TTC28: variants seen among roughly 807,000 people sequenced by gnomAD.
The protein encoded by TTC28 is tetratricopeptide repeat protein 28.
In TTC28, 61 loss-of-function variants were observed where a neutral mutation model predicts 198.0. The observed-to-expected ratio is 0.31, with a 90% CI of 0.25 to 0.38. TTC28 has a LOEUF of 0.38. Ranked by LOEUF, TTC28 falls within the 10% of genes least tolerant of loss-of-function variation. The probability of loss-of-function intolerance (pLI) is 1.00; values close to 1 mark genes in which losing one functional copy is unlikely to be tolerated. For synonymous variants in TTC28, 1,171 were observed against 1,297.8 expected, an observed-to-expected ratio of 0.90 and a Z score of 2.10; for missense variants, 2,678 against 3,164.0, an observed-to-expected ratio of 0.85 and a Z score of 3.69.
At chr22:28,432,575 A>G (rs903940146) in intron 2 of TTC28, among the ~76,000 whole-genome samples, 1 of 152,168 alleles carries the variant, frequency 6.6e-6, no homozygotes, top group Non-Finnish European at 1.5e-5. Flanking sequence ...TGTTTCATGA[A>G]TACTATGAAT....
intron 2 of TTC28, among the ~76,000 whole-genome samples, chr22:28,432,279 C>CT (rs1225311001): frequency 2.0e-5 from 3 of 151,176 alleles, no homozygotes; most frequent in African/African-American, 7.3e-5. Flanking sequence ...GAGCGAGACT[C>CT]TGTCTCAAAA....
In TTC28 at chr22:27,981,926, T is replaced by TATCA; in HGVS notation, c.*291_*294dup. The TATCA allele has an allele frequency of 3.0e-6, 1 of 331,256 alleles. No homozygotes were observed. The highest frequency in any genetic ancestry group is 4.9e-5 in the East Asian group (1 of 20,500). 20.5% of individuals were successfully genotyped at this position (331,256 alleles called of 1,614,324 possible). ...TGTACAAAATCCTGGTGAAGAATCA[T>TATCA]ATCAAAGATGAGAAGCAGGGAGTTC... On this transcript the variant is annotated 3_prime_UTR_variant, in exon 23 of 23. Coordinates refer to ENST00000397906, the MANE Select transcript of TTC28 (RefSeq NM_001145418.2).
At chr22:28,639,925 G>A (rs148929389) in intron 1 of TTC28, among the ~76,000 whole-genome samples, 5 of 152,172 alleles carry the variant, frequency 3.3e-5, no homozygotes, top group East Asian at 1.9e-4. Context: ...TATAATACAC[G>A]AAATTAAGAA....
chr22:28,576,611 T>C (rs2050154517), intron 2 of TTC28, among the ~76,000 whole-genome samples: 2 of 152,162 alleles, frequency 1.3e-5, no homozygotes, highest in South Asian at 4.1e-4. Context: ...AGCCATCAGA[T>C]CCTGGGGTTT....
chr22:28,009,143 A>T (rs1397657678), intron 14 of TTC28, among the ~76,000 whole-genome samples: 1 of 152,194 alleles, frequency 6.6e-6, no homozygotes, highest in Non-Finnish European at 1.5e-5. Flanking sequence ...AGATAAGCGG[A>T]CATGCTCACC....
intron 2 of TTC28, among the ~76,000 whole-genome samples, chr22:28,421,496 A>G (rs948665266): frequency 6.6e-6 from 1 of 152,216 alleles, no homozygotes; most frequent in Admixed American, 6.5e-5. Context: ...GACTAATGAG[A>G]CTGGAATGTT....
intron 12 of TTC28, among the ~76,000 whole-genome samples, chr22:28,072,225 T>C (rs1363730829): frequency 6.6e-6 from 1 of 152,232 alleles, no homozygotes; most frequent in African/African-American, 2.4e-5. Context: ...ACATTAATGA[T>C]GCTATGTTGA....
rs1293015916 is a variant in TTC28 at position 28,032,288 on chromosome 22, GTGTGTGTA to G, written c.3933-1930_3933-1923del. On this transcript the variant is annotated intron_variant, in intron 12 of 22. Transcript: ENST00000397906. ...ATATAGTGTGTGTGTGTGTGTGTGT[GTGTGTGTA>G]TATGTGTGTGTTTGTATATATATAT... 8.1e-4 allele frequency among the ~76,000 whole-genome samples: 108 copies of G among 132,908 alleles called. 1 individual carries two copies. The highest frequency in any genetic ancestry group is 1.5e-3 in the Non-Finnish European group (95 of 63,572). The allele number at this position is 132,908 out of a possible 152,430, so 87.2% of individuals were successfully genotyped here.
At chr22:28,366,827 AAGAAGAG>A (rs1336397501) in intron 2 of TTC28, among the ~76,000 whole-genome samples, 82 of 152,228 alleles carry the variant, frequency 5.4e-4, no homozygotes, top group African/African-American at 1.9e-3. Context: ...CAAAAACTGT[AAGAAGAG>A]ACAAAGAAGG....
intron 1 of TTC28, among the ~76,000 whole-genome samples, chr22:28,640,103 T>G (rs955012111): frequency 1.3e-5 from 2 of 151,822 alleles, no homozygotes; most frequent in African/African-American, 4.8e-5. Context: ...GCCCAGGAAT[T>G]CAGGACCAGC....
chr22:28,119,611 A>G (rs1302349728), intron 6 of TTC28, among the ~76,000 whole-genome samples: 2 of 152,240 alleles, frequency 1.3e-5, no homozygotes, highest in African/African-American at 4.8e-5. Context: ...TTGGTTGTCA[A>G]AATATCTGGG....
At chr22:28,196,747 C>G (rs1388474564) in intron 5 of TTC28, among the ~76,000 whole-genome samples, 1 of 151,642 alleles carries the variant, frequency 6.6e-6, no homozygotes, top group Non-Finnish European at 1.5e-5. Context: ...GTTAGTATGG[C>G]GATCATTAAA....
intron 2 of TTC28, among the ~76,000 whole-genome samples, chr22:28,627,574 G>T (rs1349051093): frequency 6.6e-6 from 1 of 151,778 alleles, no homozygotes; most frequent in Non-Finnish European, 1.5e-5. Context: ...TGGGATTACA[G>T]GTGCCTGCCA....
chr22:28,672,393 C>T (rs1025216926), intron 1 of TTC28, among the ~76,000 whole-genome samples: 4 of 151,882 alleles, frequency 2.6e-5, no homozygotes, highest in African/African-American at 4.8e-5. Context: ...GTCTTGAACT[C>T]CTGACCTCGT....
At chr22:28,337,307 G>T (rs915909221) in intron 2 of TTC28, among the ~76,000 whole-genome samples, 1 of 152,190 alleles carries the variant, frequency 6.6e-6, no homozygotes, top group African/African-American at 2.4e-5. Context: ...TGAAAAGAAT[G>T]TATATTCTGT....
chr22:28,310,601 G>A lies in TTC28; in HGVS notation c.382-3958C>T, dbSNP rs185513211. 8.8e-4 allele frequency among the ~76,000 whole-genome samples: 134 copies of A among 152,076 alleles called. 2 individuals are homozygous for A. The highest frequency in any genetic ancestry group is 3.0e-3 in the African/African-American group (124 of 41,446). ...CTCTCCCTTGGCCTAAATGAGTAAC[G>A]AGGTAAACTACCATGTTCACAGGTA... On this transcript the variant is annotated intron_variant, in intron 2 of 22. Transcript: ENST00000397906.
intron 2 of TTC28, among the ~76,000 whole-genome samples, chr22:28,362,018 C>A (rs1277186707): frequency 6.6e-6 from 1 of 152,146 alleles, no homozygotes; most frequent in Non-Finnish European, 1.5e-5. Flanking sequence ...TACCCAAGAG[C>A]TCTGATGGAG....
chr22:28,493,313 G>A (rs2048404292), intron 2 of TTC28, among the ~76,000 whole-genome samples: 2 of 152,016 alleles, frequency 1.3e-5, no homozygotes, highest in Non-Finnish European at 2.9e-5. Context: ...CAGAGATAAC[G>A]CCACTGCATT....
intron 14 of TTC28, among the ~76,000 whole-genome samples, chr22:28,006,023 C>T (rs916795049): frequency 2.6e-5 from 4 of 152,146 alleles, no homozygotes; most frequent in Non-Finnish European, 4.4e-5. Context: ...CAGATGGACC[C>T]AGAGGATGAA....
Sources: gnomAD v4.1 joint callset for allele counts (sites outside exome capture counted in the v4.1 genomes callset) on GRCh38, gnomAD v4.1.1 for gene constraint, MANE v1.5 for transcripts, NCBI Gene and HGNC (gene_info 2026-07-23, HGNC 2026-07-21) for gene names.